The following RECK variants were observed in gnomAD, a reference collection of about 807,000 sequenced individuals.
RECK encodes the protein reversion inducing cysteine rich protein with kazal motifs, also known as reversion-inducing cysteine-rich protein with Kazal motifs.
A neutral mutation model predicts 115.1 loss-of-function variants in RECK; 69 were observed. That is an observed-to-expected ratio of 0.60 (90% CI 0.49 to 0.73). The LOEUF (loss-of-function observed/expected upper bound fraction) is 0.73. Ranked by LOEUF, RECK falls within the 30% of genes least tolerant of loss-of-function variation. RECK has a pLI of 0.00. For synonymous variants in RECK, 414 were observed against 419.7 expected (o/e 0.99, Z 0.17); for missense variants, 1,047 against 1,203.7 (o/e 0.87, Z 1.93).
At chr9:36,083,047 C>T (rs1208367479) in intron 7 of RECK, among the ~76,000 whole-genome samples, 1 of 152,188 alleles carries the variant, frequency 6.6e-6, no homozygotes, top group Non-Finnish European at 1.5e-5. Context: ...CTATGCATTG[C>T]AAGACGTTTA....
chr9:36,039,420 C>T (rs959045409), intron 1 of RECK, among the ~76,000 whole-genome samples: 1 of 152,178 alleles, frequency 6.6e-6, no homozygotes, highest in Admixed American at 6.5e-5. Context: ...TTAACCGCAT[C>T]CAAGATTGGG....
chr9:36,059,599 T>G (rs1176138195), intron 3 of RECK, among the ~76,000 whole-genome samples: 4 of 152,216 alleles, frequency 2.6e-5, no homozygotes, highest in Non-Finnish European at 5.9e-5. Flanking sequence ...TATGACTTAT[T>G]ATCTTCCAAT....
chr9:36,041,953 A>G (rs139252569), intron 1 of RECK, among the ~76,000 whole-genome samples: 188 of 152,194 alleles, frequency 1.2e-3, no homozygotes, highest in Non-Finnish European at 2.5e-3. Flanking sequence ...TTTCTAAATT[A>G]TAGGTGAGTT....
chr9:36,059,673 A>T (rs567148389), intron 3 of RECK, among the ~76,000 whole-genome samples: 1 of 152,206 alleles, frequency 6.6e-6, no homozygotes, highest in Non-Finnish European at 1.5e-5. Context: ...GACCTTTTAA[A>T]GGTCTCTAAT....
chr9:36,103,050 G>C lies in RECK; in HGVS notation c.1435+820G>C, dbSNP rs545646635. On this transcript the variant is annotated intron_variant, in intron 12 of 20. Coordinates refer to ENST00000377966, the MANE Select transcript of RECK (RefSeq NM_021111.3). The stretch of plus-strand genomic sequence containing the variant: ...TCTCTGCCAAATACTCCCGCCAAAA[G>C]CTAGAAGAGCGTGTTGCTATCTCAT... 2.0e-5 allele frequency among the ~76,000 whole-genome samples: 3 copies of C among 152,162 alleles called. No individual in the cohort carries two copies. The South Asian group carries it at 6.2e-4, about 32-fold the overall frequency.
chr9:36,070,128 G>A (rs759104062), intron 6 of RECK, among the ~76,000 whole-genome samples: 16 of 152,158 alleles, frequency 1.1e-4, no homozygotes, highest in Non-Finnish European at 2.1e-4. Context: ...AATTATTTGA[G>A]ATGCAAAAGA....
chr9:36,110,536 G>C (rs936567576), intron 15 of RECK, among the ~76,000 whole-genome samples: 1 of 152,134 alleles, frequency 6.6e-6, no homozygotes, highest in African/African-American at 2.4e-5. Flanking sequence ...ACTTTCCTAT[G>C]CTTTGCTGCT....
At chr9:36,046,851 C>T (rs765404942) in intron 1 of RECK, among the ~76,000 whole-genome samples, 1 of 151,914 alleles carries the variant, frequency 6.6e-6, no homozygotes, top group Non-Finnish European at 1.5e-5. Context: ...GGGATACTCC[C>T]CTATAGATTT....
At chr9:36,088,352 T>C (rs1477526297) in intron 9 of RECK, among the ~76,000 whole-genome samples, 1 of 152,174 alleles carries the variant, frequency 6.6e-6, no homozygotes. Flanking sequence ...ATTATATTGG[T>C]GGATAACCTG....
chr9:36,065,228 TAAAAAAAAAAAAAA>T (rs561725701), intron 5 of RECK, among the ~76,000 whole-genome samples: 1 of 50,542 alleles, frequency 2.0e-5, no homozygotes, highest in Admixed American at 2.7e-4. Context: ...GGAATTCAGC[TAAAAAAAAAAAAAA>T]AAAAAAAAAA....
chr9:36,101,905 G>A (rs144235417), intron 11 of RECK, among the ~76,000 whole-genome samples, 189 bp from the exon 12 acceptor site: 2 of 152,318 alleles, frequency 1.3e-5, no homozygotes, highest in East Asian at 3.9e-4. Flanking sequence ...TTTGGTCTCA[G>A]ACAACAGAAA....
intron 1 of RECK, among the ~76,000 whole-genome samples, chr9:36,039,099 G>C (rs780501859): frequency 5.9e-5 from 9 of 152,022 alleles, no homozygotes; most frequent in Non-Finnish European, 1.3e-4. Context: ...TGCTGGGTTA[G>C]TTGATTTCTA....
chr9:36,081,004 G>T (rs1411433317), intron 7 of RECK, among the ~76,000 whole-genome samples: 1 of 152,164 alleles, frequency 6.6e-6, no homozygotes, highest in Non-Finnish European at 1.5e-5. Flanking sequence ...AGAATGCTGG[G>T]ATATGGTAGG....
chr9:36,117,173 G>T lies in RECK; in HGVS notation c.2249G>T (p.Cys750Phe). Residue 750 changes from cysteine (C) to phenylalanine (F), a missense_variant, in exon 17 of 21, where the codon TGC (cysteine) becomes TTC (phenylalanine). Cys to Phe is a radical substitution (Grantham distance 205). Transcript: ENST00000377966. ...AAAAGCCTCTCTTACAAAGGTCCCT[G>T]CCAGGTACAGTGCTTTGGCTGACAA... Reference protein sequence around the residue: ...RGKSLSYKGPCQPFCRATEPV... With the variant: ...RGKSLSYKGPFQPFCRATEPV... 6.2e-7 allele frequency: 1 copy of T among 1,608,282 alleles called. No individual in the cohort carries two copies. Among genetic ancestry groups the T allele is most frequent in the Non-Finnish European group, 8.5e-7 (1 of 1,176,660 alleles).
At chr9:36,068,709 C>T (rs1051418883) in intron 6 of RECK, among the ~76,000 whole-genome samples, 40 of 152,172 alleles carry the variant, frequency 2.6e-4, no homozygotes, top group African/African-American at 8.7e-4. Context: ...AGTGAAATCC[C>T]CTTCCCTTCC....
intron 1 of RECK, among the ~76,000 whole-genome samples, chr9:36,037,666 A>G (rs984241542): frequency 3.3e-5 from 5 of 151,846 alleles, no homozygotes; most frequent in Admixed American, 2.0e-4. Flanking sequence ...CTCTACAAGA[A>G]CTAAACCAAG....
At chr9:36,077,172 A>T (rs1822483171) in intron 6 of RECK, among the ~76,000 whole-genome samples, 1 of 152,112 alleles carries the variant, frequency 6.6e-6, no homozygotes, top group African/African-American at 2.4e-5. Flanking sequence ...ATGGGGGCAC[A>T]TTGGGTGTGG....
chr9:36,057,674 G>T (rs1048431044), intron 2 of RECK, among the ~76,000 whole-genome samples: 7 of 152,058 alleles, frequency 4.6e-5, no homozygotes, highest in Admixed American at 1.3e-4. Context: ...ACAGAAATTA[G>T]CCTGGCATTT....
Position 36,118,663 on chromosome 9 carries a change from C to T in RECK, c.2254-94C>T. On this transcript the variant is annotated intron_variant, in intron 17 of 20. Transcript: ENST00000377966. The stretch of plus-strand genomic sequence containing the variant: ...CATAATTTATACCTGTGTCTTTTTT[C>T]CTTCCTGAAAATAGGGAGGCATGCT... 4.2e-6 allele frequency: 5 copies of T among 1,198,910 alleles called. No homozygotes were observed. In the Admixed American group the frequency reaches 6.9e-5, roughly 16 times the overall value. 74.3% of individuals were successfully genotyped at this position (1,198,910 alleles called of 1,614,324 possible). A position where few individuals can be genotyped will look rare whatever the true frequency, so the allele number is the denominator to read the frequency against.
Sources: allele counts gnomAD v4.1 joint callset (sites outside exome capture counted in the v4.1 genomes callset), GRCh38; gene constraint gnomAD v4.1.1; transcripts MANE v1.5; gene names NCBI Gene and HGNC (gene_info 2026-07-23, HGNC 2026-07-21).